Variants in PRMT8 observed in about 807,000 individuals in gnomAD.
PRMT8 encodes the protein protein arginine methyltransferase 8, also known as protein arginine N-methyltransferase 8.
PRMT8 carries 7 observed loss-of-function variants against 47.1 expected under a neutral mutation model. The observed-to-expected ratio is 0.15, with a 90% CI of 0.08 to 0.28. The LOEUF is 0.28. PRMT8 is among the 10% of genes least tolerant of loss of function. PRMT8 has a pLI of 1.00. For synonymous variants in PRMT8, 188 were observed against 186.5 expected (o/e 1.01, Z -0.07); for missense variants, 237 against 505.4 (o/e 0.47, Z 5.09).
At position 3,508,673 on chromosome 12, in the gene PRMT8, C is replaced by T. The variant is rs1280053471; in HGVS notation, c.75+16973C>T. 6.6e-6 allele frequency among the ~76,000 whole-genome samples: 1 copy of T among 152,124 alleles called. No homozygotes were observed. Among genetic ancestry groups the T allele is most frequent in the African/African-American group, 2.4e-5 (1 of 41,402 alleles). On this transcript the variant is annotated intron_variant, in intron 1 of 9. Transcript: ENST00000382622. This position sits in a 1 kb window ranked among gnomAD's most constrained non-coding sequence, Gnocchi z 4.9. ...GGTCACCTTCTCTGCCTGCTGTCTC[C>T]GGGTGACCCCATCCACTCTCTCAGC...
intron 4 of PRMT8, among the ~76,000 whole-genome samples, chr12:3,555,481 A>G (rs1360804823): frequency 6.6e-6 from 1 of 152,228 alleles, no homozygotes; most frequent in East Asian, 1.9e-4. Flanking sequence ...TGGCCAGGGC[A>G]TGGAAAGCAC....
chr12:3,408,343 C>T (rs1864393582), intron 1 of PRMT8, among the ~76,000 whole-genome samples: 1 of 152,074 alleles, frequency 6.6e-6, no homozygotes, highest in African/African-American at 2.4e-5. Context: ...AAGTGATCCT[C>T]CCATCTCAGC....
intron 4 of PRMT8, among the ~76,000 whole-genome samples, chr12:3,559,766 G>A (rs1051258076): frequency 3.3e-5 from 5 of 152,148 alleles, no homozygotes; most frequent in African/African-American, 1.2e-4. Context: ...GCTGGGCAGC[G>A]TCCCACATGG....
At chr12:3,487,077 C>G (rs1865330037), upstream of PRMT8, among the ~76,000 whole-genome samples, 1 of 152,196 alleles carries the variant, frequency 6.6e-6, no homozygotes, top group African/African-American at 2.4e-5. Flanking sequence ...AGCCAGGTAG[C>G]TGGCTGCTGC....
intron 1 of PRMT8, among the ~76,000 whole-genome samples, chr12:3,421,322 C>T (rs1006357766): frequency 1.3e-5 from 2 of 152,196 alleles, no homozygotes; most frequent in African/African-American, 2.4e-5. Context: ...GCCTCGGCTT[C>T]CTCTGGGTTA....
intron 8 of PRMT8, among the ~76,000 whole-genome samples, chr12:3,588,011 G>A (rs1054183913): frequency 1.3e-5 from 2 of 152,204 alleles, no homozygotes; most frequent in African/African-American, 4.8e-5. Context: ...GTGGGAACTG[G>A]GGCCCCTGGG....
chr12:3,508,129 C>A lies in PRMT8; in HGVS notation c.75+16429C>A, dbSNP rs904246781. Among the ~76,000 whole-genome samples, 12 of 151,936 alleles carry A rather than the reference C, an allele frequency of 7.9e-5. No individual in the cohort carries two copies. Among genetic ancestry groups the A allele is most frequent in the African/African-American group, 2.9e-4 (12 of 41,246 alleles). On this transcript the variant is annotated intron_variant, in intron 1 of 9. Transcript: ENST00000382622. The surrounding 1 kb of genome is among the most constrained non-coding windows in gnomAD (Gnocchi z 4.9). Reference sequence around the variant, plus strand: ...GGTAGATGTTTTCTTCTTTTTCTTACTGTTACAACTTTAAGATTTTTTTCT... The same window carrying A: ...GGTAGATGTTTTCTTCTTTTTCTTAATGTTACAACTTTAAGATTTTTTTCT...
At chr12:3,460,384 G>A (rs1426009547) in intron 1 of PRMT8, among the ~76,000 whole-genome samples, 1 of 152,194 alleles carries the variant, frequency 6.6e-6, no homozygotes, top group African/African-American at 2.4e-5. Flanking sequence ...GACATCACCG[G>A]CTTCTAAGTT....
At chr12:3,490,675 A>AAGAGAAAGAGAG (rs1865374834), upstream of PRMT8, among the ~76,000 whole-genome samples, 1 of 121,084 alleles carries the variant, frequency 8.3e-6, no homozygotes, top group African/African-American at 3.1e-5. Flanking sequence ...TTTGGGTACA[A>AAGAGAAAGAGAG]AGAGAGAGAG....
At chr12:3,395,239 C>T (rs934050865) in intron 1 of PRMT8, among the ~76,000 whole-genome samples, 2 of 150,558 alleles carry the variant, frequency 1.3e-5, no homozygotes, top group Non-Finnish European at 3.0e-5. Context: ...TTAGTTATTT[C>T]TTGCCTTCTG....
intron 1 of PRMT8, among the ~76,000 whole-genome samples, chr12:3,536,587 C>G (rs1366807634): frequency 6.6e-6 from 1 of 152,198 alleles, no homozygotes; most frequent in Non-Finnish European, 1.5e-5. Context: ...GGAGTCAATA[C>G]TGGGGTCAGC....
intron 1 of PRMT8, among the ~76,000 whole-genome samples, chr12:3,382,689 A>AAAC (rs1864103618): frequency 6.6e-6 from 1 of 152,130 alleles, no homozygotes; most frequent in Non-Finnish European, 1.5e-5. Context: ...TTTTAACAGG[A>AAAC]TTTCTCACAG....
At chr12:3,562,581 A>G (rs1591604146) in intron 4 of PRMT8, among the ~76,000 whole-genome samples, 1 of 152,228 alleles carries the variant, frequency 6.6e-6, no homozygotes, top group South Asian at 2.1e-4. Context: ...TTGCAGGGGC[A>G]TGCTGGCTGT....
At chr12:3,560,014 C>T (rs1866604401) in intron 4 of PRMT8, among the ~76,000 whole-genome samples, 1 of 152,228 alleles carries the variant, frequency 6.6e-6, no homozygotes, top group African/African-American at 2.4e-5. Context: ...TCCCTTCACA[C>T]ACCTGTTCCA....
rs1467208682 is a variant in PRMT8, at chr12:3,415,665, T to C, written c.48+34223T>C. Among the ~76,000 whole-genome samples, 2 of 152,176 alleles carry C rather than the reference T, an allele frequency of 1.3e-5. 1 individual carries two copies. The highest frequency in any genetic ancestry group is 1.3e-4 in the Admixed American group (2 of 15,286). ...AAAATTAGATCTCCCATGAGACCCA[T>C]AGAACAGTGGAGGAAGGAAGGTGGG... On this transcript the variant is annotated intron_variant, in intron 1 of 9. Transcript: ENST00000452611.
chr12:3,543,289 G>T (rs189351855), intron 2 of PRMT8, among the ~76,000 whole-genome samples: 32 of 152,312 alleles, frequency 2.1e-4, no homozygotes, highest in African/African-American at 7.7e-4. Flanking sequence ...CAGATCATCT[G>T]CATGAAAGGA....
intron 1 of PRMT8, among the ~76,000 whole-genome samples, chr12:3,413,230 C>T (rs1445805831): frequency 1.3e-5 from 2 of 152,134 alleles, no homozygotes; most frequent in African/African-American, 4.8e-5. Flanking sequence ...GAATACGTCT[C>T]ACAAGATCTG....
At position 3,456,896 on chromosome 12, in the gene PRMT8, G is replaced by A. The variant is rs983278609; in HGVS notation, c.48+75454G>A. ...TAAAGGCTTTAAACACAGAGGACAG[G>A]TGCGTCTTTTCTTGCTGTGGCTGAC... On this transcript the variant is annotated intron_variant, in intron 1 of 9. Coordinates refer to the PRMT8 transcript ENST00000452611. The surrounding 1 kb of genome is among the most constrained non-coding windows in gnomAD (Gnocchi z 4.2). Among the ~76,000 whole-genome samples, 2 of 152,186 alleles carry A rather than the reference G, an allele frequency of 1.3e-5. No homozygotes were observed. Among genetic ancestry groups the A allele is most frequent in the Admixed American group, 1.3e-4 (2 of 15,282 alleles).
At chr12:3,487,980 A>T (rs1235416666), upstream of PRMT8, among the ~76,000 whole-genome samples, 1 of 152,198 alleles carries the variant, frequency 6.6e-6, no homozygotes, top group East Asian at 1.9e-4. Context: ...TCTCCAGATG[A>T]TTCCACTGTA....
Sources: gnomAD v4.1 joint callset for allele counts (sites outside exome capture counted in the v4.1 genomes callset) on GRCh38, gnomAD v4.1.1 for gene constraint, Gnocchi (gnomAD v3.1) non-coding constraint, MANE v1.5 for transcripts, NCBI Gene and HGNC (gene_info 2026-07-23, HGNC 2026-07-21) for gene names.